The following FOXO3 variants were observed in gnomAD, a reference collection of about 807,000 sequenced individuals.
The protein encoded by FOXO3 is forkhead box O3, also known as forkhead box protein O3.
FOXO3 carries 4 observed loss-of-function variants against 41.9 expected under a neutral mutation model. The observed-to-expected ratio is 0.10, with a 90% CI of 0.05 to 0.22. FOXO3 has a LOEUF of 0.22. FOXO3 is among the 10% of genes least tolerant of loss of function. The probability of loss-of-function intolerance (pLI) is 1.00; values close to 1 mark genes in which losing one functional copy is unlikely to be tolerated. For missense variants in FOXO3, 534 were observed against 906.8 expected (o/e 0.59, Z 5.28); for synonymous variants, 318 against 389.3 (o/e 0.82, Z 2.16).
At chr6:108,576,569 T>C (rs1018024096) in intron 1 of FOXO3, among the ~76,000 whole-genome samples, 5 of 152,246 alleles carry the variant, frequency 3.3e-5, no homozygotes, top group African/African-American at 1.2e-4. Context: ...TTTACCAGAT[T>C]AATGTTTCAA....
chr6:108,610,475 A>G (rs1777329637), intron 1 of FOXO3, among the ~76,000 whole-genome samples: 1 of 152,152 alleles, frequency 6.6e-6, no homozygotes, highest in Non-Finnish European at 1.5e-5. Context: ...GAGCCTCTTC[A>G]CCTTTGTGCT....
intron 1 of FOXO3, among the ~76,000 whole-genome samples, chr6:108,633,311 G>T (rs891087717): frequency 7.9e-5 from 12 of 152,032 alleles, no homozygotes; most frequent in African/African-American, 2.9e-4. Context: ...GAGAGGGAAT[G>T]TGGGTATGAA....
chr6:108,679,186 T>C (rs982309571), intron 2 of FOXO3, among the ~76,000 whole-genome samples: 6 of 152,184 alleles, frequency 3.9e-5, no homozygotes, highest in African/African-American at 1.2e-4. Context: ...CTTAAATTCT[T>C]AAGATGGCCC....
At chr6:108,618,254 T>G in intron 1 of FOXO3, 1 of 774,314 alleles carries the variant, frequency 1.3e-6, no homozygotes, top group Non-Finnish European at 2.3e-6. Context: ...GTTCTTAGTC[T>G]TGACTCCTTC....
At chr6:108,614,023 G>A (rs929154683) in intron 1 of FOXO3, among the ~76,000 whole-genome samples, 27 of 152,062 alleles carry the variant, frequency 1.8e-4, no homozygotes, top group African/African-American at 6.5e-4. Flanking sequence ...AGGATTTTCT[G>A]GATATTTTTC....
chr6:108,628,010 T>G (rs1431916591), intron 1 of FOXO3, among the ~76,000 whole-genome samples: 1 of 152,152 alleles, frequency 6.6e-6, no homozygotes, highest in Non-Finnish European at 1.5e-5. Flanking sequence ...ATAATTATTA[T>G]TTTGGAGATA....
intron 1 of FOXO3, among the ~76,000 whole-genome samples, chr6:108,573,372 A>C (rs144659162): frequency 6.6e-6 from 1 of 152,288 alleles, no homozygotes; most frequent in Non-Finnish European, 1.5e-5. Context: ...CTTTACCTCT[A>C]TCCCCAGGAA....
chr6:108,660,524 A>C (rs1446287684), intron 1 of FOXO3, among the ~76,000 whole-genome samples: 2 of 152,210 alleles, frequency 1.3e-5, no homozygotes, highest in Non-Finnish European at 2.9e-5. Flanking sequence ...GAAGCATAGT[A>C]TTTTGGATTA....
chr6:108,561,987 G>T (rs1373586597), intron 1 of FOXO3, among the ~76,000 whole-genome samples, 158 bp downstream of exon 1: 1 of 152,022 alleles, frequency 6.6e-6, no homozygotes, highest in Non-Finnish European at 1.5e-5. Flanking sequence ...TTTGATCCCC[G>T]GAGTCGGGGC....
At chr6:108,575,654 T>A (rs1776242369) in intron 1 of FOXO3, among the ~76,000 whole-genome samples, 1 of 152,228 alleles carries the variant, frequency 6.6e-6, no homozygotes, top group Admixed American at 6.5e-5. Context: ...ACTTTTGCAT[T>A]TCAGTCCGAA....
intron 1 of FOXO3, among the ~76,000 whole-genome samples, chr6:108,573,389 C>T (rs1261970592): frequency 3.3e-5 from 5 of 152,212 alleles, no homozygotes; most frequent in Admixed American, 2.0e-4. Context: ...GGAATCCCCA[C>T]CTTAATCCTT....
At chr6:108,652,994 T>G (rs1490731155) in intron 1 of FOXO3, among the ~76,000 whole-genome samples, 1 of 152,218 alleles carries the variant, frequency 6.6e-6, no homozygotes, top group Non-Finnish European at 1.5e-5. Context: ...AGTTTGCCCT[T>G]CTTTCCATCT....
chr6:108,621,365 A>AT (rs932216352), intron 1 of FOXO3, among the ~76,000 whole-genome samples: 5 of 152,158 alleles, frequency 3.3e-5, no homozygotes, highest in African/African-American at 1.2e-4. Flanking sequence ...AAGACATCAG[A>AT]TGTCATCAAG....
intron 1 of FOXO3, among the ~76,000 whole-genome samples, chr6:108,571,505 A>T (rs1031904050): frequency 1.3e-5 from 2 of 152,224 alleles, no homozygotes; most frequent in South Asian, 4.1e-4. Flanking sequence ...ATATCGGCTT[A>T]GGGTGGGTCC....
intron 1 of FOXO3, among the ~76,000 whole-genome samples, chr6:108,641,644 T>C (rs978358535): frequency 1.3e-5 from 2 of 152,128 alleles, no homozygotes; most frequent in Non-Finnish European, 2.9e-5. Context: ...TAATATGTCT[T>C]TGCGTTCCCC....
At chr6:108,667,480 A>G (rs1562266060) in intron 2 of FOXO3, among the ~76,000 whole-genome samples, 2 of 152,228 alleles carry the variant, frequency 1.3e-5, no homozygotes, top group Non-Finnish European at 1.5e-5. Context: ...TCGTTGGAAA[A>G]TATGTGTTCA....
chr6:108,619,679 A>G (rs1777613442), intron 1 of FOXO3, among the ~76,000 whole-genome samples: 1 of 152,264 alleles, frequency 6.6e-6, no homozygotes, highest in Non-Finnish European at 1.5e-5. Context: ...ACTAAAAATA[A>G]TGAATGGACT....
At chr6:108,567,628 C>T (rs1402007767) in intron 1 of FOXO3, among the ~76,000 whole-genome samples, 1 of 152,122 alleles carries the variant, frequency 6.6e-6, no homozygotes, top group Non-Finnish European at 1.5e-5. Flanking sequence ...CGGGTGTGTC[C>T]AGTCAGTGCA....
At chr6:108,663,112 C>T (rs1489699342) in intron 1 of FOXO3, among the ~76,000 whole-genome samples, 4 of 152,144 alleles carry the variant, frequency 2.6e-5, no homozygotes, top group Non-Finnish European at 5.9e-5. Context: ...GTGGCTCATG[C>T]CTATAATCCT....
Sources: allele counts gnomAD v4.1 joint callset (sites outside exome capture counted in the v4.1 genomes callset), GRCh38; gene constraint gnomAD v4.1.1; transcripts MANE v1.5; gene names NCBI Gene and HGNC (gene_info 2026-07-23, HGNC 2026-07-21).